Variants in HS6ST3 observed in about 807,000 individuals in gnomAD.
HS6ST3 encodes the protein heparan-sulfate 6-O-sulfotransferase 3.
A neutral mutation model predicts 36.7 loss-of-function variants in HS6ST3; 12 were observed. That is an observed-to-expected ratio of 0.33 (90% confidence interval 0.21 to 0.53). The LOEUF (loss-of-function observed/expected upper bound fraction) is 0.53. Among genes scored for constraint, HS6ST3 ranks in the 20% least tolerant of loss-of-function variants. The pLI, the probability that HS6ST3 is intolerant of heterozygous loss-of-function variation, is 0.95. For synonymous variants in HS6ST3, 240 were observed against 257.5 expected, an observed-to-expected ratio of 0.93 and a Z score of 0.65; for missense variants, 584 against 640.9, an observed-to-expected ratio of 0.91 and a Z score of 0.96.
At chr13:96,581,214 C>A (rs2138968899) in intron 1 of HS6ST3, among the ~76,000 whole-genome samples, 1 of 145,322 alleles carries the variant, frequency 6.9e-6, no homozygotes, top group African/African-American at 2.5e-5. Context: ...TTTCATGCAA[C>A]AACTACTATT....
At chr13:96,377,275 T>G (rs1483009615) in intron 1 of HS6ST3, among the ~76,000 whole-genome samples, 1 of 151,644 alleles carries the variant, frequency 6.6e-6, no homozygotes, top group East Asian at 1.9e-4. Flanking sequence ...GGATTGCTTG[T>G]GCCTGGTAGT....
At chr13:96,220,555 C>T (rs926229328) in intron 1 of HS6ST3, among the ~76,000 whole-genome samples, 4 of 152,084 alleles carry the variant, frequency 2.6e-5, no homozygotes, top group Admixed American at 2.0e-4. Flanking sequence ...TTGAGCTAGC[C>T]AGGTTGTTTT....
At chr13:96,802,524 C>T (rs1566457457) in intron 1 of HS6ST3, among the ~76,000 whole-genome samples, 2 of 152,266 alleles carry the variant, frequency 1.3e-5, no homozygotes, top group East Asian at 3.9e-4. Context: ...CTTAAACATG[C>T]ATCCTGTGGT....
chr13:96,780,307 G>C (rs933602743), intron 1 of HS6ST3, among the ~76,000 whole-genome samples: 1 of 152,148 alleles, frequency 6.6e-6, no homozygotes, highest in Non-Finnish European at 1.5e-5. Context: ...CGTAGTTTTC[G>C]TGTATTAATA....
intron 1 of HS6ST3, among the ~76,000 whole-genome samples, chr13:96,414,577 G>C (rs573944131): frequency 7.6e-4 from 116 of 152,166 alleles, no homozygotes; most frequent in African/African-American, 2.7e-3. Context: ...CTGCCTCCTG[G>C]GTTCAAGTGA....
At chr13:96,154,524 G>T (rs2054101498) in intron 1 of HS6ST3, among the ~76,000 whole-genome samples, 1 of 152,080 alleles carries the variant, frequency 6.6e-6, no homozygotes, top group African/African-American at 2.4e-5. Context: ...TCAGTAAAAT[G>T]TCAAGGATAA....
At chr13:96,727,502 G>C (rs1019184294) in intron 1 of HS6ST3, among the ~76,000 whole-genome samples, 2 of 151,988 alleles carry the variant, frequency 1.3e-5, no homozygotes, top group African/African-American at 4.8e-5. Context: ...CCTACAATCT[G>C]TTCTCTGCTC....
chr13:96,141,756 G>T (rs2054032927), intron 1 of HS6ST3, among the ~76,000 whole-genome samples: 1 of 152,140 alleles, frequency 6.6e-6, no homozygotes, highest in African/African-American at 2.4e-5. Flanking sequence ...TCAGCCTTTA[G>T]ATCAGGGGGG....
At chr13:96,661,497 T>C (rs949747159) in intron 1 of HS6ST3, among the ~76,000 whole-genome samples, 3 of 152,112 alleles carry the variant, frequency 2.0e-5, no homozygotes, top group Non-Finnish European at 2.9e-5. Flanking sequence ...TCTTTACCCA[T>C]TAGGTGGGTT....
At chr13:96,786,770 G>A (rs973667731) in intron 1 of HS6ST3, among the ~76,000 whole-genome samples, 4 of 151,976 alleles carry the variant, frequency 2.6e-5, no homozygotes, top group Non-Finnish European at 5.9e-5. Flanking sequence ...CTTTTGTGGT[G>A]TACAATTCTA....
chr13:96,723,805 C>A (rs1328154221), intron 1 of HS6ST3, among the ~76,000 whole-genome samples: 1 of 152,092 alleles, frequency 6.6e-6, no homozygotes, highest in African/African-American at 2.4e-5. Flanking sequence ...CTGTTTTATC[C>A]CACTTTTATT....
Position 96,111,682 on chromosome 13 carries a change from A to G in HS6ST3, c.707+20113A>G, listed in dbSNP as rs186806067. On this transcript the variant is annotated intron_variant, in intron 1 of 1. Transcript: ENST00000376705. ...CTTCAAAAGACTGTTTTTCACATCC[A>G]CTCTATGAAACAGAGATTTTGGTAT... Among the ~76,000 whole-genome samples the G allele has an allele frequency of 2.6e-5, 4 of 152,222 alleles. No individual in the cohort carries two copies. In the East Asian group the frequency reaches 7.7e-4, roughly 29 times the overall value.
intron 1 of HS6ST3, among the ~76,000 whole-genome samples, chr13:96,446,031 G>A (rs1311463278): frequency 6.6e-6 from 1 of 151,878 alleles, no homozygotes; most frequent in Admixed American, 6.6e-5. Context: ...AAATTAGCCG[G>A]GCGTGGTGGC....
At chr13:96,775,098 G>C (rs1877354618) in intron 1 of HS6ST3, among the ~76,000 whole-genome samples, 1 of 151,996 alleles carries the variant, frequency 6.6e-6, no homozygotes, top group African/African-American at 2.4e-5. Context: ...CATAAGCGAA[G>C]GAGAAATAAA....
intron 1 of HS6ST3, among the ~76,000 whole-genome samples, chr13:96,749,339 T>A (rs1876641798): frequency 6.6e-6 from 1 of 152,222 alleles, no homozygotes; most frequent in Admixed American, 6.5e-5. Context: ...TATTTATGTA[T>A]CATTATGTAT....
At chr13:96,302,727 A>G (rs1209392568) in intron 1 of HS6ST3, among the ~76,000 whole-genome samples, 6 of 152,142 alleles carry the variant, frequency 3.9e-5, no homozygotes, top group African/African-American at 1.4e-4. Flanking sequence ...TATTTCTCAA[A>G]GGATAATAAT....
At chr13:96,750,373 G>A (rs1876670617) in intron 1 of HS6ST3, among the ~76,000 whole-genome samples, 1 of 152,152 alleles carries the variant, frequency 6.6e-6, no homozygotes, top group Non-Finnish European at 1.5e-5. Flanking sequence ...CATGACCTTG[G>A]TCCTGTCCCA....
intron 1 of HS6ST3, among the ~76,000 whole-genome samples, chr13:96,616,325 T>C (rs912468505): frequency 1.3e-5 from 2 of 152,234 alleles, no homozygotes; most frequent in African/African-American, 4.8e-5. Flanking sequence ...TCTAGGGAAA[T>C]GCAAAACTTT....
At chr13:96,801,740 C>T (rs146731220) in intron 1 of HS6ST3, among the ~76,000 whole-genome samples, 205 of 152,178 alleles carry the variant, frequency 1.3e-3, no homozygotes, top group African/African-American at 4.6e-3. Context: ...TCTACATAAA[C>T]GTGCAATCTT....
Sources: gnomAD v4.1 joint callset for allele counts (sites outside exome capture counted in the v4.1 genomes callset) on GRCh38, gnomAD v4.1.1 for gene constraint, MANE v1.5 for transcripts, NCBI Gene and HGNC (gene_info 2026-07-23, HGNC 2026-07-21) for gene names.